The following SYT1 variants were observed in gnomAD, a reference collection of about 807,000 sequenced individuals.
SYT1 encodes the protein synaptotagmin-1.
A neutral mutation model predicts 44.8 loss-of-function variants in SYT1; 8 were observed. That is an observed-to-expected ratio of 0.18 (90% CI 0.10 to 0.32). The LOEUF (loss-of-function observed/expected upper bound fraction) is 0.32. Ranked by LOEUF, SYT1 falls within the 10% of genes least tolerant of loss-of-function variation. The pLI is 1.00. For missense variants in SYT1, 286 were observed against 509.3 expected (o/e 0.56, Z 4.22); for synonymous variants, 154 against 188.8 (o/e 0.82, Z 1.51).
intron 1 of SYT1, among the ~76,000 whole-genome samples, chr12:78,897,168 A>G (rs1209526711): frequency 6.6e-6 from 1 of 151,948 alleles, no homozygotes; most frequent in Non-Finnish European, 1.5e-5. Context: ...AATTAATTAA[A>G]CTAAAACATG....
chr12:78,904,499 G>A (rs1592542130), intron 1 of SYT1, among the ~76,000 whole-genome samples: 2 of 152,146 alleles, frequency 1.3e-5, no homozygotes, highest in Non-Finnish European at 1.5e-5. Context: ...CGAGTATCTC[G>A]ACCTAACTCT....
intron 1 of SYT1, among the ~76,000 whole-genome samples, chr12:78,874,932 G>T (rs1405341632): frequency 6.6e-6 from 1 of 151,580 alleles, no homozygotes; most frequent in African/African-American, 2.4e-5. Context: ...ATGCAGAAGG[G>T]TAGATAGTCT....
chr12:79,388,110 A>C (rs1343225200), intron 9 of SYT1, among the ~76,000 whole-genome samples: 1 of 152,202 alleles, frequency 6.6e-6, no homozygotes, highest in East Asian at 1.9e-4. Flanking sequence ...TTAAAACAGA[A>C]GGGCCTGTAC....
chr12:79,325,135 C>A (rs975696429), intron 8 of SYT1, among the ~76,000 whole-genome samples: 2 of 152,154 alleles, frequency 1.3e-5, no homozygotes, highest in African/African-American at 4.8e-5. Context: ...ATTCAAGTAT[C>A]TTCCCAGGAA....
chr12:79,315,135 G>A (rs1225925544), intron 8 of SYT1, among the ~76,000 whole-genome samples: 2 of 152,024 alleles, frequency 1.3e-5, no homozygotes, highest in African/African-American at 4.8e-5. Context: ...GAATTTTATG[G>A]TATGTGAATA....
chr12:78,953,434 G>GT (rs1437447109), intron 1 of SYT1, among the ~76,000 whole-genome samples: 2 of 152,034 alleles, frequency 1.3e-5, no homozygotes, highest in Non-Finnish European at 2.9e-5. Context: ...AGCATAGAGT[G>GT]TGGCACATTA....
chr12:79,156,423 ATTG>A (rs1385667495), intron 3 of SYT1, among the ~76,000 whole-genome samples: 1 of 151,456 alleles, frequency 6.6e-6, no homozygotes, highest in Non-Finnish European at 1.5e-5. Context: ...TGTTCAGTTA[ATTG>A]TTGTGGTTGT....
At chr12:79,330,755 A>G (rs1416426935) in intron 8 of SYT1, among the ~76,000 whole-genome samples, 1 of 152,156 alleles carries the variant, frequency 6.6e-6, no homozygotes, top group Non-Finnish European at 1.5e-5. Context: ...AAATCCACAG[A>G]ACGGTCCTTT....
intron 9 of SYT1, among the ~76,000 whole-genome samples, chr12:79,429,845 A>G (rs1215953113): frequency 1.3e-5 from 2 of 152,216 alleles, no homozygotes; most frequent in South Asian, 2.1e-4. Context: ...TGGGCAAGTA[A>G]AACAGGGAGG....
chr12:79,387,984 A>G (rs765892863), intron 9 of SYT1, among the ~76,000 whole-genome samples: 2 of 152,212 alleles, frequency 1.3e-5, no homozygotes, highest in Non-Finnish European at 2.9e-5. Flanking sequence ...TTTTTCTTTA[A>G]AAGTTACTTT....
At chr12:78,906,138 G>A (rs1875966902) in intron 1 of SYT1, among the ~76,000 whole-genome samples, 1 of 151,712 alleles carries the variant, frequency 6.6e-6, no homozygotes, top group South Asian at 2.1e-4. Context: ...TTATAAAAGA[G>A]GTTCCTTTCA....
At chr12:79,047,390 T>C (rs1207357522) in intron 3 of SYT1, 28 bp downstream of exon 3, 3 of 151,840 alleles carry the variant, frequency 2.0e-5, no homozygotes, top group African/African-American at 7.2e-5. Context: ...ACAATGATGA[T>C]AATAAATCTG....
intron 3 of SYT1, among the ~76,000 whole-genome samples, chr12:79,062,872 T>C (rs1250390072): frequency 6.6e-6 from 1 of 152,190 alleles, no homozygotes; most frequent in Non-Finnish European, 1.5e-5. Context: ...ACTTTCATGC[T>C]ATCTATAATA....
intron 2 of SYT1, among the ~76,000 whole-genome samples, chr12:79,002,720 A>G (rs1870822647): frequency 1.3e-5 from 2 of 152,120 alleles, no homozygotes; most frequent in East Asian, 1.9e-4. Context: ...TTGACGCTCA[A>G]ATTCACTGAG....
At chr12:79,421,233 T>C (rs1869094240) in intron 9 of SYT1, among the ~76,000 whole-genome samples, 1 of 152,162 alleles carries the variant, frequency 6.6e-6, no homozygotes, top group African/African-American at 2.4e-5. Flanking sequence ...TGAATTGTTT[T>C]GGAATTGATT....
intron 1 of SYT1, among the ~76,000 whole-genome samples, chr12:78,968,379 C>T (rs1251383010): frequency 3.9e-5 from 6 of 152,008 alleles, no homozygotes; most frequent in African/African-American, 1.4e-4. Context: ...ACCCCTCTAG[C>T]CCCCACCACC....
chr12:79,059,327 G>A (rs1039094627), intron 3 of SYT1, among the ~76,000 whole-genome samples: 1 of 152,126 alleles, frequency 6.6e-6, no homozygotes, highest in African/African-American at 2.4e-5. Context: ...ATAAGCTAGA[G>A]ATAACTGCTT....
At chr12:79,089,737 C>T (rs558070231) in intron 3 of SYT1, among the ~76,000 whole-genome samples, 4 of 152,120 alleles carry the variant, frequency 2.6e-5, no homozygotes, top group African/African-American at 4.8e-5. Flanking sequence ...TTGTCTCATA[C>T]CAGAATTGAG....
At chr12:78,905,407 C>T (rs1444333209) in intron 1 of SYT1, among the ~76,000 whole-genome samples, 1 of 152,044 alleles carries the variant, frequency 6.6e-6, no homozygotes, top group African/African-American at 2.4e-5. Flanking sequence ...AATTATCTAA[C>T]TTGTATGTTG....
Sources: allele counts gnomAD v4.1 joint callset (sites outside exome capture counted in the v4.1 genomes callset), GRCh38; gene constraint gnomAD v4.1.1; transcripts MANE v1.5; gene names NCBI Gene and HGNC (gene_info 2026-07-23, HGNC 2026-07-21).